FSTL5: variants seen among roughly 807,000 people sequenced by gnomAD.
FSTL5 encodes follistatin-related protein 5.
FSTL5 carries 62 observed loss-of-function variants against 89.1 expected under a neutral mutation model. That is an observed-to-expected ratio of 0.70 (90% confidence interval 0.57 to 0.86). FSTL5 has a LOEUF of 0.86. Among genes scored for constraint, FSTL5 ranks in the 40% least tolerant of loss-of-function variants. The pLI is 0.00. For synonymous variants in FSTL5, 383 were observed against 346.2 expected, an observed-to-expected ratio of 1.11 and a Z score of -1.18; for missense variants, 1,057 against 1,001.6, an observed-to-expected ratio of 1.06 and a Z score of -0.75.
chr4:162,052,435 T>C (rs1419249768), intron 2 of FSTL5, among the ~76,000 whole-genome samples: 1 of 151,798 alleles, frequency 6.6e-6, no homozygotes, highest in Non-Finnish European at 1.5e-5. Context: ...TTCTATATTA[T>C]AATACTTTTC....
chr4:161,644,365 A>G (rs1187433017), intron 7 of FSTL5, among the ~76,000 whole-genome samples: 1 of 152,122 alleles, frequency 6.6e-6, no homozygotes, highest in East Asian at 1.9e-4. Context: ...TATCTCTACT[A>G]AAAATACAAA....
At chr4:161,503,059 C>T (rs1443359728) in intron 11 of FSTL5, among the ~76,000 whole-genome samples, 1 of 151,520 alleles carries the variant, frequency 6.6e-6, no homozygotes, top group Non-Finnish European at 1.5e-5. Flanking sequence ...AGATCAGAGG[C>T]AAATAATAGC....
intron 2 of FSTL5, among the ~76,000 whole-genome samples, chr4:162,100,552 G>A (rs146140694): frequency 3.3e-5 from 5 of 152,238 alleles, no homozygotes; most frequent in Admixed American, 6.5e-5. Flanking sequence ...GATATTTAGG[G>A]CGATGAAACT....
At chr4:161,726,227 C>CTTTTTTTTTTTTTTTTTTTTTTTTTT (rs5863477) in intron 6 of FSTL5, among the ~76,000 whole-genome samples, 8 of 113,678 alleles carry the variant, frequency 7.0e-5, no homozygotes, top group Admixed American at 1.1e-4. Flanking sequence ...TTTTCTTTTT[C>CTTTTTTTTTTTTTTTTTTTTTTTTTT]TTTTTTTTTT....
chr4:161,918,885 TG>T (rs1248114744), intron 4 of FSTL5, among the ~76,000 whole-genome samples: 1 of 152,010 alleles, frequency 6.6e-6, no homozygotes, highest in Non-Finnish European at 1.5e-5. Flanking sequence ...TCAGGTGATC[TG>T]CCCACCTTGG....
At chr4:161,393,187 T>C (rs996947034) in intron 15 of FSTL5, among the ~76,000 whole-genome samples, 2 of 151,696 alleles carry the variant, frequency 1.3e-5, no homozygotes, top group African/African-American at 4.8e-5. Flanking sequence ...GAAAAGCAGT[T>C]TTAAAATCTA....
Position 161,630,076 on chromosome 4 carries a change from T to G in FSTL5, c.894+26252A>C, listed in dbSNP as rs946633353. On this transcript the variant is annotated intron_variant, in intron 7 of 15. Coordinates refer to ENST00000306100, the MANE Select transcript of FSTL5 (RefSeq NM_020116.5). ...AGAACTAGGAGACACTTTCCTCCAC[T>G]AGGTTTCAGTACTTTTTCTTTCCTA... Among the ~76,000 whole-genome samples the G allele has an allele frequency of 3.9e-5, 6 of 152,188 alleles. No homozygotes were observed. The South Asian group carries it at 6.2e-4, about 16-fold the overall frequency.
chr4:161,907,431 TC>T (rs1733569122), intron 4 of FSTL5, among the ~76,000 whole-genome samples: 1 of 152,052 alleles, frequency 6.6e-6, no homozygotes, highest in Non-Finnish European at 1.5e-5. Flanking sequence ...GCATAAAAAC[TC>T]CACCTCAAGG....
intron 6 of FSTL5, among the ~76,000 whole-genome samples, chr4:161,703,786 TATA>T (rs750101227): frequency 6.6e-6 from 1 of 152,190 alleles, no homozygotes; most frequent in Non-Finnish European, 1.5e-5. Context: ...AGTTACCTGC[TATA>T]ATATTGGGAC....
At chr4:161,921,067 T>C (rs1733981766) in intron 3 of FSTL5, among the ~76,000 whole-genome samples, 1 of 152,160 alleles carries the variant, frequency 6.6e-6, no homozygotes, top group African/African-American at 2.4e-5. Flanking sequence ...TTCGAACTAT[T>C]ACATGTGATA....
At chr4:161,412,297 C>G (rs1419190336) in intron 15 of FSTL5, among the ~76,000 whole-genome samples, 1 of 152,048 alleles carries the variant, frequency 6.6e-6, no homozygotes, top group Non-Finnish European at 1.5e-5. Flanking sequence ...CCATTCCAAT[C>G]AAACTACCAA....
intron 10 of FSTL5, among the ~76,000 whole-genome samples, chr4:161,533,045 C>T (rs1413119788): frequency 6.6e-6 from 1 of 151,208 alleles, no homozygotes; most frequent in Admixed American, 6.6e-5. Flanking sequence ...AATAGAGACA[C>T]AATTTAAAAT....
intron 1 of FSTL5, among the ~76,000 whole-genome samples, chr4:162,133,868 C>T (rs1313924694): frequency 6.6e-6 from 1 of 152,180 alleles, no homozygotes; most frequent in African/African-American, 2.4e-5. Context: ...TAAGGATTCT[C>T]TCTTACCTGG....
intron 1 of FSTL5, among the ~76,000 whole-genome samples, chr4:162,119,840 G>A (rs998480487): frequency 1.3e-5 from 2 of 151,824 alleles, no homozygotes; most frequent in Non-Finnish European, 2.9e-5. Context: ...ACCCTTCCCA[G>A]GCTCTAGTAT....
chr4:161,443,282 A>G (rs1407264935), intron 15 of FSTL5, among the ~76,000 whole-genome samples: 1 of 151,986 alleles, frequency 6.6e-6, no homozygotes, highest in Non-Finnish European at 1.5e-5. Flanking sequence ...CCTTCATTTG[A>G]TAAGTGAAAA....
intron 10 of FSTL5, among the ~76,000 whole-genome samples, chr4:161,536,839 T>A (rs1731637054): frequency 6.6e-6 from 1 of 152,168 alleles, no homozygotes; most frequent in Admixed American, 6.6e-5. Context: ...AAAATCTGTT[T>A]CACAAACATC....
chr4:161,456,960 A>G (rs935497383), intron 14 of FSTL5, among the ~76,000 whole-genome samples: 1 of 152,186 alleles, frequency 6.6e-6, no homozygotes, highest in African/African-American at 2.4e-5. Context: ...GGATAGGCTG[A>G]TATGCTAGCA....
intron 6 of FSTL5, among the ~76,000 whole-genome samples, chr4:161,707,078 T>A (rs777562412): frequency 6.6e-6 from 1 of 151,952 alleles, no homozygotes; most frequent in Non-Finnish European, 1.5e-5. Flanking sequence ...TGCACTTATT[T>A]CAGAAAAAAA....
intron 3 of FSTL5, among the ~76,000 whole-genome samples, chr4:161,967,345 C>T (rs1329853172): frequency 6.6e-6 from 1 of 150,868 alleles, no homozygotes; most frequent in Non-Finnish European, 1.5e-5. Flanking sequence ...CTTCCTAAAC[C>T]TTCAAAAGAA....
Sources: allele counts gnomAD v4.1 joint callset (sites outside exome capture counted in the v4.1 genomes callset), GRCh38; gene constraint gnomAD v4.1.1; transcripts MANE v1.5; gene names NCBI Gene and HGNC (gene_info 2026-07-23, HGNC 2026-07-21).